Variants in SHISA6 observed in about 807,000 individuals in gnomAD.
The protein encoded by SHISA6 is protein shisa-6.
Under a neutral mutation model 47.9 loss-of-function variants are expected in SHISA6, and 22 were observed. The ratio of observed to expected loss-of-function variants is 0.46; its 90% CI spans 0.33 to 0.66. The LOEUF is 0.66. SHISA6 is among the 30% of genes least tolerant of loss of function. SHISA6 has a pLI of 0.02. For synonymous variants in SHISA6, 388 were observed against 337.8 expected (o/e 1.15, Z -1.63); for missense variants, 680 against 764.6 (o/e 0.89, Z 1.30).
At chr17:11,497,500 T>TTGAG (rs1173880870) in intron 3 of SHISA6, among the ~76,000 whole-genome samples, 4 of 152,144 alleles carry the variant, frequency 2.6e-5, no homozygotes, top group Non-Finnish European at 5.9e-5. Context: ...TGAGACCGTG[T>TTGAG]TGAGAATGAG....
At chr17:11,538,865 T>C (rs188648321) in intron 3 of SHISA6, among the ~76,000 whole-genome samples, 7 of 152,348 alleles carry the variant, frequency 4.6e-5, no homozygotes, top group Admixed American at 4.6e-4. Context: ...TTCTGGAGTG[T>C]GGTGATCAGG....
intron 3 of SHISA6, among the ~76,000 whole-genome samples, chr17:11,438,704 C>T (rs539980913): frequency 1.4e-4 from 22 of 152,302 alleles, no homozygotes; most frequent in Admixed American, 7.2e-4. Flanking sequence ...GGTTTCAACA[C>T]GTGAATTTTG....
At chr17:11,410,642 T>G (rs182999501) in intron 3 of SHISA6, among the ~76,000 whole-genome samples, 9 of 119,374 alleles carry the variant, frequency 7.5e-5, no homozygotes, top group Non-Finnish European at 7.7e-5. Context: ...GCCCCCTTCA[T>G]CCCTTAGGTC....
At chr17:11,293,061 G>C (rs1909609611) in intron 2 of SHISA6, among the ~76,000 whole-genome samples, 1 of 152,062 alleles carries the variant, frequency 6.6e-6, no homozygotes, top group Admixed American at 6.6e-5. Context: ...CCGACCTCAG[G>C]TGATCCAGCT....
intron 2 of SHISA6, among the ~76,000 whole-genome samples, chr17:11,352,504 G>T (rs1911923144): frequency 6.6e-6 from 1 of 152,212 alleles, no homozygotes; most frequent in African/African-American, 2.4e-5. Context: ...TAGGGGTGGT[G>T]AGCTACCATG....
At chr17:11,436,101 C>T (rs995647614) in intron 3 of SHISA6, among the ~76,000 whole-genome samples, 2 of 152,132 alleles carry the variant, frequency 1.3e-5, no homozygotes, top group African/African-American at 4.8e-5. Context: ...AGGCTGAATG[C>T]CTGGGGAGCT....
intron 3 of SHISA6, among the ~76,000 whole-genome samples, chr17:11,421,590 T>G (rs1474507828): frequency 6.6e-6 from 1 of 152,202 alleles, no homozygotes; most frequent in African/African-American, 2.4e-5. Context: ...GTGGGAAGTG[T>G]GCAAGCTTTG....
intron 3 of SHISA6, among the ~76,000 whole-genome samples, chr17:11,494,345 C>G (rs973963889): frequency 6.6e-6 from 1 of 152,186 alleles, no homozygotes; most frequent in Non-Finnish European, 1.5e-5. Context: ...GCTTGCTGCC[C>G]GAACCTAGCC....
At chr17:11,466,565 A>C (rs1247399352) in intron 3 of SHISA6, among the ~76,000 whole-genome samples, 1 of 152,072 alleles carries the variant, frequency 6.6e-6, no homozygotes, top group Non-Finnish European at 1.5e-5. Context: ...TTCTGTTCCC[A>C]AGTCACACTG....
chr17:11,409,389 T>C (rs1335837264), intron 3 of SHISA6, among the ~76,000 whole-genome samples: 1 of 152,144 alleles, frequency 6.6e-6, no homozygotes, highest in East Asian at 1.9e-4. Flanking sequence ...TTCTAGTTCA[T>C]GGGGCTCTTG....
chr17:11,242,984 C>G (rs776245191), intron 1 of SHISA6, among the ~76,000 whole-genome samples: 3 of 152,036 alleles, frequency 2.0e-5, no homozygotes, highest in Admixed American at 6.6e-5. Flanking sequence ...GCTTCCTGTC[C>G]CCTCATGTTG....
rs113869277 is a variant in SHISA6, at chr17:11,532,906, G to A, written c.896-18990G>A. On this transcript the variant is annotated intron_variant, in intron 3 of 5. Transcript: ENST00000441885. ...GGCATATGGTTACCTGGAAATAGGC[G>A]TGTTGGTGCAAGACACCACATCCAG... Among the ~76,000 whole-genome samples, 1,476 of 152,120 alleles carry A rather than the reference G, an allele frequency of 9.7e-3. 30 individuals are homozygous for A. Among genetic ancestry groups the A allele is most frequent in the African/African-American group, 0.034 (1,410 of 41,494 alleles).
intron 3 of SHISA6, among the ~76,000 whole-genome samples, chr17:11,471,036 C>G (rs970236418): frequency 6.6e-6 from 1 of 151,974 alleles, no homozygotes; most frequent in Non-Finnish European, 1.5e-5. Context: ...ATGGCAAAAC[C>G]CTGTCTCTAC....
chr17:11,246,167 T>G (rs1476876398), intron 1 of SHISA6, among the ~76,000 whole-genome samples: 2 of 152,010 alleles, frequency 1.3e-5, no homozygotes, highest in Non-Finnish European at 2.9e-5. Context: ...GTTTTAGCCT[T>G]GCCTTTATTT....
At chr17:11,320,990 A>C (rs4412998) in intron 2 of SHISA6, among the ~76,000 whole-genome samples, 25,006 of 152,120 alleles carry the variant, frequency 0.16, 2,795 homozygotes, top group African/African-American at 0.31. Context: ...TAAACTTAGA[A>C]ATTTGGATTG....
At chr17:11,300,650 A>G (rs1004787887) in intron 2 of SHISA6, among the ~76,000 whole-genome samples, 32 of 150,934 alleles carry the variant, frequency 2.1e-4, no homozygotes, top group African/African-American at 7.3e-4. Context: ...TTGCCAGTTT[A>G]GGACTTTTTT....
At chr17:11,454,887 G>A (rs1392856878) in intron 3 of SHISA6, among the ~76,000 whole-genome samples, 1 of 152,126 alleles carries the variant, frequency 6.6e-6, no homozygotes, top group Non-Finnish European at 1.5e-5. Flanking sequence ...AATGTTCAAT[G>A]GGCTGGGCAC....
intron 2 of SHISA6, among the ~76,000 whole-genome samples, chr17:11,266,795 G>A (rs1908441194): frequency 6.6e-6 from 1 of 152,186 alleles, no homozygotes; most frequent in Non-Finnish European, 1.5e-5. Flanking sequence ...ATTGTGTGTG[G>A]GATGAAGGTC....
intron 3 of SHISA6, among the ~76,000 whole-genome samples, chr17:11,438,797 G>A (rs1030489553): frequency 6.6e-6 from 1 of 152,158 alleles, no homozygotes; most frequent in African/African-American, 2.4e-5. Context: ...AATCCTGTTG[G>A]AAAGCAATGG....
Sources: allele counts gnomAD v4.1 joint callset (sites outside exome capture counted in the v4.1 genomes callset), GRCh38; gene constraint gnomAD v4.1.1; transcripts MANE v1.5; gene names NCBI Gene and HGNC (gene_info 2026-07-23, HGNC 2026-07-21).